The following DNAJC6 variants were observed in gnomAD, a reference collection of about 807,000 sequenced individuals.
The protein encoded by DNAJC6 is DnaJ heat shock protein family (Hsp40) member C6, also known as auxilin.
DNAJC6 carries 34 observed loss-of-function variants against 110.0 expected under a neutral mutation model. The observed-to-expected ratio is 0.31, with a 90% CI of 0.24 to 0.41. The LOEUF (loss-of-function observed/expected upper bound fraction) is 0.41, where lower values mean the gene tolerates loss of function less well. Among genes scored for constraint, DNAJC6 ranks in the 10% least tolerant of loss-of-function variants. The pLI is 1.00. For missense variants in DNAJC6, 1,031 were observed against 1,207.8 expected (o/e 0.85, Z 2.17); for synonymous variants, 406 against 437.2 (o/e 0.93, Z 0.89).
At chr1:65,333,031 T>C (rs1645302346) in intron 1 of DNAJC6, among the ~76,000 whole-genome samples, 1 of 152,218 alleles carries the variant, frequency 6.6e-6, no homozygotes, top group Non-Finnish European at 1.5e-5. Context: ...GTGCTTCCAC[T>C]GGCCACAATC....
intron 5 of DNAJC6, among the ~76,000 whole-genome samples, chr1:65,381,965 T>C (rs981532582): frequency 2.0e-5 from 3 of 152,170 alleles, no homozygotes; most frequent in African/African-American, 4.8e-5. Context: ...CCGAAAGCAC[T>C]TGGAGAAGCA....
In DNAJC6 at chr1:65,355,260, G is replaced by A. The variant is rs533382942; in HGVS notation, c.194-9375G>A. On this transcript the variant is annotated intron_variant, in intron 1 of 18. Coordinates refer to ENST00000371069, the MANE Select transcript of DNAJC6 (RefSeq NM_001256864.2). ...AGCCTGGGCAAGAGAGCCACACCCT[G>A]TCTCAAAAAAAAAAAAAAAAAAAAA... Among the ~76,000 whole-genome samples the A allele has an allele frequency of 1.5e-4, 13 of 88,770 alleles. No homozygotes were observed. In the East Asian group the frequency reaches 4.2e-3, roughly 29 times the overall value. The allele number at this position is 88,770 out of a possible 152,430, so 58.2% of individuals were successfully genotyped here.
chr1:65,394,314 G>A (rs1447796479), intron 12 of DNAJC6, among the ~76,000 whole-genome samples: 1 of 152,034 alleles, frequency 6.6e-6, no homozygotes, highest in Non-Finnish European at 1.5e-5. Flanking sequence ...GGCATACCCA[G>A]GTCTAGAATG....
At chr1:65,295,260 T>G (rs1214144101) in intron 1 of DNAJC6, among the ~76,000 whole-genome samples, 1 of 152,244 alleles carries the variant, frequency 6.6e-6, no homozygotes, top group Non-Finnish European at 1.5e-5. Context: ...GTTTTTCCTA[T>G]ATACCTATCT....
At chr1:65,294,644 A>T (rs890106581) in intron 1 of DNAJC6, among the ~76,000 whole-genome samples, 4 of 152,248 alleles carry the variant, frequency 2.6e-5, no homozygotes, top group Admixed American at 1.3e-4. Context: ...GGAAAAATAT[A>T]TAAAATATCT....
chr1:65,361,577 A>G (rs1048484138), intron 1 of DNAJC6, among the ~76,000 whole-genome samples: 22 of 152,228 alleles, frequency 1.4e-4, no homozygotes, highest in African/African-American at 5.3e-4. Flanking sequence ...GAAATTACCA[A>G]AATAGGACCA....
chr1:65,366,496 G>T (rs1237665298), intron 4 of DNAJC6, among the ~76,000 whole-genome samples: 1 of 152,196 alleles, frequency 6.6e-6, no homozygotes, highest in African/African-American at 2.4e-5. Flanking sequence ...GTTGGAGATT[G>T]AACTGCTGCT....
intron 1 of DNAJC6, among the ~76,000 whole-genome samples, chr1:65,326,191 A>G (rs1208491826): frequency 6.6e-6 from 1 of 152,208 alleles, no homozygotes; most frequent in Non-Finnish European, 1.5e-5. Flanking sequence ...GGGACTGTGT[A>G]GAACCCTGTT....
At chr1:65,376,604 A>T (rs918255776) in intron 4 of DNAJC6, among the ~76,000 whole-genome samples, 1 of 151,584 alleles carries the variant, frequency 6.6e-6, no homozygotes, top group African/African-American at 2.4e-5. Flanking sequence ...TGTTTCAAGA[A>T]ATTTTTAAAT....
intron 4 of DNAJC6, among the ~76,000 whole-genome samples, chr1:65,368,480 CTCCT>C (rs1316971620): frequency 5.9e-5 from 9 of 151,708 alleles, no homozygotes; most frequent in South Asian, 2.1e-4. Context: ...CACCCTTCGT[CTCCT>C]TCCTTCCTTC....
At chr1:65,268,622 T>C (rs1231560657) in intron 1 of DNAJC6, among the ~76,000 whole-genome samples, 1 of 152,194 alleles carries the variant, frequency 6.6e-6, no homozygotes, top group Non-Finnish European at 1.5e-5. Context: ...CAGGTCTTTT[T>C]TTATCTCCAA....
At chr1:65,325,605 T>G (rs941598677) in intron 1 of DNAJC6, among the ~76,000 whole-genome samples, 3 of 152,242 alleles carry the variant, frequency 2.0e-5, no homozygotes, top group African/African-American at 7.2e-5. Context: ...GCCTTATGGA[T>G]TTTCTAGTTT....
chr1:65,396,568 T>A (rs1206145903), intron 13 of DNAJC6, among the ~76,000 whole-genome samples: 1 of 152,196 alleles, frequency 6.6e-6, no homozygotes, highest in Admixed American at 6.5e-5. Flanking sequence ...CTTCAAGTGT[T>A]TGCTCAAATG....
At chr1:65,282,847 G>A (rs1293548592) in intron 1 of DNAJC6, among the ~76,000 whole-genome samples, 2 of 152,288 alleles carry the variant, frequency 1.3e-5, no homozygotes, top group East Asian at 3.9e-4. Flanking sequence ...TGAACTCCTT[G>A]AGGTCAGAGA....
At chr1:65,349,622 ATTCAT>A (rs1254294164) in intron 1 of DNAJC6, among the ~76,000 whole-genome samples, 6 of 152,274 alleles carry the variant, frequency 3.9e-5, no homozygotes, top group African/African-American at 1.4e-4. Flanking sequence ...CTCTAAAAAA[ATTCAT>A]TTCATTATTT....
At chr1:65,337,298 CTT>C (rs35222732) in intron 1 of DNAJC6, among the ~76,000 whole-genome samples, 19 of 145,426 alleles carry the variant, frequency 1.3e-4, no homozygotes, top group Admixed American at 1.4e-4. Context: ...GTAATTCTTA[CTT>C]TTTTTTTTTG....
intron 1 of DNAJC6, among the ~76,000 whole-genome samples, chr1:65,277,868 TGGAGCTTCTAA>T (rs1653723460): frequency 6.6e-6 from 1 of 152,202 alleles, no homozygotes; most frequent in Non-Finnish European, 1.5e-5. Context: ...CGTCTGGCTC[TGGAGCTTCTAA>T]GTAAGCAAGA....
intron 1 of DNAJC6, among the ~76,000 whole-genome samples, chr1:65,333,922 G>T (rs1201797069): frequency 1.3e-5 from 2 of 152,098 alleles, no homozygotes; most frequent in Admixed American, 6.5e-5. Context: ...GATATGAATA[G>T]AAATAAATAA....
intron 16 of DNAJC6, among the ~76,000 whole-genome samples, chr1:65,407,575 C>T (rs1015653441): frequency 7.9e-5 from 12 of 152,156 alleles, no homozygotes; most frequent in Non-Finnish European, 1.2e-4. Context: ...ATTCAGTTGT[C>T]GGGGATATGT....
Sources: gnomAD v4.1 joint callset for allele counts (sites outside exome capture counted in the v4.1 genomes callset) on GRCh38, gnomAD v4.1.1 for gene constraint, MANE v1.5 for transcripts, NCBI Gene and HGNC (gene_info 2026-07-23, HGNC 2026-07-21) for gene names.